NOTCH1: variants seen among roughly 807,000 people sequenced by gnomAD.
The protein encoded by NOTCH1 is neurogenic locus notch homolog protein 1.
In NOTCH1, 37 loss-of-function variants were observed where a neutral mutation model predicts 254.8. The observed-to-expected ratio is 0.15, with a 90% CI of 0.11 to 0.19. The LOEUF (loss-of-function observed/expected upper bound fraction) is 0.19. Among genes scored for constraint, NOTCH1 ranks in the 10% least tolerant of loss-of-function variants. The pLI is 1.00. For missense variants in NOTCH1, 2,972 were observed against 3,708.6 expected, an observed-to-expected ratio of 0.80 and a Z score of 5.16; for synonymous variants, 1,731 against 1,618.1, an observed-to-expected ratio of 1.07 and a Z score of -1.68.
rs1385748319 is a variant in NOTCH1 at position 136,513,733 on chromosome 9, T to C, written c.2208-196A>G. Among the ~76,000 whole-genome samples, 1 of 152,142 alleles carries C rather than the reference T, an allele frequency of 6.6e-6. No homozygotes were observed. The highest frequency in any genetic ancestry group is 1.5e-5 in the Non-Finnish European group (1 of 68,016). On this transcript the variant is annotated intron_variant, in intron 13 of 33. Transcript: ENST00000651671. The surrounding 1 kb of genome is among the most constrained non-coding windows in gnomAD (Gnocchi z 4.7). ...CAGCACTTTGGGAGGCGGGGGTGGC[T>C]GAGTCACTTGAGGCCAGGAGTTCAA...
rs1484486786 is a variant in NOTCH1 at position 136,523,714 on chromosome 9, C to T, written c.403+3G>A. 1.2e-6 allele frequency: 2 copies of T among 1,600,774 alleles called. No homozygotes were observed. Among genetic ancestry groups the T allele is most frequent in the Admixed American group, 1.7e-5 (1 of 58,500 alleles). ...ACCCCTCAGGCTGTGGGTCCTCCCT[C>T]ACCTGACCAGCCGGGCGGGCAGCGG... is the stretch of plus-strand genomic sequence containing the variant. On this transcript the variant is annotated splice_donor_region_variant and intron_variant, in intron 3 of 33. Coordinates refer to ENST00000651671, the MANE Select transcript of NOTCH1 (RefSeq NM_017617.5).
At chr9:136,517,063 C>T (rs1200546571) in intron 9 of NOTCH1, among the ~76,000 whole-genome samples, 1 of 150,958 alleles carries the variant, frequency 6.6e-6, no homozygotes, top group East Asian at 2.0e-4. Flanking sequence ...GTGCAGACGG[C>T]CCAGGAGCAG....
rs1371022203 is a variant in NOTCH1 at position 136,499,222 on chromosome 9, C to A, written c.5972G>T (p.Arg1991Leu). Residue 1991 changes from arginine (R) to leucine (L), a missense_variant, in exon 32 of 34, where the codon CGC becomes CTC. Arg to Leu is a moderately radical substitution (Grantham distance 102, BLOSUM62 -2). Coordinates refer to ENST00000651671, the MANE Select transcript of NOTCH1 (RefSeq NM_017617.5). ...IRNRATDLDA[R>L]MHDGTTPLIL... The stretch of plus-strand genomic sequence containing the variant: ...CAGTGGCGTCGTGCCATCATGCATG[C>A]GGGCATCCAGGTCTGTGGCTCGGTT... 6.2e-7 allele frequency: 1 copy of A among 1,613,256 alleles called. No homozygotes were observed. Among genetic ancestry groups the A allele is most frequent in the Non-Finnish European group, 8.5e-7 (1 of 1,179,994 alleles).
In NOTCH1 at chr9:136,496,540, G is replaced by A; in HGVS notation, c.7199C>T (p.Ala2400Val). 1 of 1,608,212 alleles carries A rather than the reference G, an allele frequency of 6.2e-7. No individual in the cohort carries two copies. The highest frequency in any genetic ancestry group is 8.5e-7 in the Non-Finnish European group (1 of 1,179,948). ...LQMQQQNLQPANIQQQQSLQP... is the reference protein window; with the variant it reads ...LQMQQQNLQPVNIQQQQSLQP... ...CAGGCTTTGCTGCTGCTGGATGTTTGCTGGCTGCAGGTTCTGCTGCTGCAT... is the reference window on the plus strand; with the variant it reads ...CAGGCTTTGCTGCTGCTGGATGTTTACTGGCTGCAGGTTCTGCTGCTGCAT... Residue 2400 changes from alanine (A) to valine (V), a missense_variant, in exon 34 of 34, where the codon GCA becomes GTA. By Grantham distance (64) the Ala-to-Val change is moderately conservative. Transcript: ENST00000651671.
chr9:136,503,415 A>T (rs2133334063), intron 26 of NOTCH1, 85 bp from the exon 27 acceptor site: 1 of 1,586,500 alleles, frequency 6.3e-7, no homozygotes, highest in South Asian at 1.1e-5. Flanking sequence ...CAGGACACTG[A>T]GGCCCATGAC....
intron 5 of NOTCH1, among the ~76,000 whole-genome samples, 199 bp downstream of exon 5, chr9:136,519,244 C>T (rs563184741): frequency 6.6e-6 from 1 of 152,346 alleles, no homozygotes; most frequent in African/African-American, 2.4e-5. Context: ...CCTGTCTGTG[C>T]TGACCCCCGA....
At chr9:136,503,145 C>A in intron 27 of NOTCH1, 37 bp downstream of exon 27, 1 of 1,612,126 alleles carries the variant, frequency 6.2e-7, no homozygotes, top group Non-Finnish European at 8.5e-7. Context: ...GCACCCCCTG[C>A]AGGCAGAGCC....
At chr9:136,524,750 GC>G (rs1472276854) in intron 2 of NOTCH1, among the ~76,000 whole-genome samples, 1 of 148,074 alleles carries the variant, frequency 6.8e-6, no homozygotes, top group Non-Finnish European at 1.5e-5. Flanking sequence ...CGATTCTCCT[GC>G]CTCAGCCTCC....
chr9:136,506,511 G>A lies in NOTCH1; in HGVS notation c.4014+16C>T, dbSNP rs1456568605. 4 of 1,569,768 alleles carry A rather than the reference G, an allele frequency of 2.5e-6. No homozygotes were observed. Among genetic ancestry groups the A allele is most frequent in the African/African-American group, 1.3e-5 (1 of 74,126 alleles). The stretch of plus-strand genomic sequence containing the variant: ...TCCCCTGGCGGGCCCCTGCCTCCCT[G>A]CACCCCTGCACCTACCGCAGGGCAC... On this transcript the variant is annotated intron_variant, in intron 24 of 33. Transcript: ENST00000651671. The surrounding 1 kb of genome is among the most constrained non-coding windows in gnomAD (Gnocchi z 4.5).
At position 136,514,536 on chromosome 9, in the gene NOTCH1, G is replaced by A. The variant is rs760278621; in HGVS notation, c.2181C>T (p.His727=). The A allele has an allele frequency of 2.0e-5, 32 of 1,595,780 alleles. No homozygotes were observed. The highest frequency in any genetic ancestry group is 4.0e-5 in the African/African-American group (3 of 74,812). The change falls in exon 13 of 34, where the codon CAC becomes CAT. Residue 727 remains histidine, a synonymous_variant. Transcript: ENST00000651671. ...CGTTGAGGCTGTCCCGGCAGGCCCC[G>A]TGGACGCAGGGGTTGCTGTTGCACT... ...VNECNSNPCV[H]GACRDSLNGY...
intron 3 of NOTCH1, 36 bp from the exon 4 acceptor site, chr9:136,523,224 C>T (rs1843403390): frequency 6.4e-7 from 1 of 1,556,250 alleles, no homozygotes; most frequent in Non-Finnish European, 8.7e-7. Context: ...GTGCTGGCCT[C>T]ACTGCTCCCC....
intron 4 of NOTCH1, among the ~76,000 whole-genome samples, chr9:136,521,410 G>A (rs542136656): frequency 6.6e-5 from 10 of 151,638 alleles, no homozygotes; most frequent in Admixed American, 3.3e-4. Context: ...GCTCTGAGCC[G>A]GCCCAGCACC....
intron 2 of NOTCH1, among the ~76,000 whole-genome samples, chr9:136,532,860 G>C (rs945206421): frequency 6.6e-6 from 1 of 152,194 alleles, no homozygotes; most frequent in Non-Finnish European, 1.5e-5. Context: ...AAGGTCTCGT[G>C]GGGGTGGCCG....
At chr9:136,537,470 G>A (rs1405226102) in intron 2 of NOTCH1, among the ~76,000 whole-genome samples, 1 of 152,208 alleles carries the variant, frequency 6.6e-6, no homozygotes, top group Admixed American at 6.5e-5. Flanking sequence ...TCAGGGCAGA[G>A]TGACAGTATT....
rs371532644 is a variant in NOTCH1, at chr9:136,508,999, C to G, written c.3042G>C (p.Thr1014=). Residue 1014 remains threonine (T), a synonymous_variant, in exon 19 of 34, where the codon ACG becomes ACC. Coordinates refer to ENST00000651671, the MANE Select transcript of NOTCH1 (RefSeq NM_017617.5). ...SFTCLCPPGF[T]GSYCQHDVNE... is the part of the protein sequence containing the mutation. ...TGACATCGTGCTGGCAGTAGCTGCC[C>G]GTGAAGCCGGGTGGACACAGGCAGG... The G allele has an allele frequency of 1.3e-6, 2 of 1,561,032 alleles. No individual in the cohort carries two copies. Among genetic ancestry groups the G allele is most frequent in the Admixed American group, 3.8e-5 (2 of 52,680 alleles).
chr9:136,508,699 C>T (rs188842828), intron 19 of NOTCH1, among the ~76,000 whole-genome samples, 171 bp downstream of exon 19: 14 of 152,250 alleles, frequency 9.2e-5, no homozygotes, highest in African/African-American at 1.4e-4. Flanking sequence ...CTGCTGCTTC[C>T]GCATCAGGTT....
chr9:136,513,588 G>A lies in NOTCH1; in HGVS notation c.2208-51C>T, dbSNP rs771345037. 2.1e-5 allele frequency: 34 copies of A among 1,606,038 alleles called. No homozygotes were observed. Among genetic ancestry groups the A allele is most frequent in the Middle Eastern group, 1.7e-4 (1 of 6,028 alleles). On this transcript the variant is annotated intron_variant, in intron 13 of 33. Transcript: ENST00000651671. The surrounding 1 kb of genome is among the most constrained non-coding windows in gnomAD (Gnocchi z 4.7). ...CGAGGGAGGCCCGAGCAGCACGGCCGGGGCCTGGGCACTCCCGGGTCTGCA... is the reference window on the plus strand; with the variant it reads ...CGAGGGAGGCCCGAGCAGCACGGCCAGGGCCTGGGCACTCCCGGGTCTGCA...
rs1396760693 is a variant in NOTCH1 at position 136,545,391 on chromosome 9, C to CCCG, written c.61+332_61+334dup. On this transcript the variant is annotated intron_variant, in intron 1 of 33. Coordinates refer to ENST00000651671, the MANE Select transcript of NOTCH1 (RefSeq NM_017617.5). This position sits in a 1 kb window ranked among gnomAD's most constrained non-coding sequence, Gnocchi z 6.8. ...ATTCAAATCGAAAAATAGTAGGCAGCCCGCCCGCCCGGCCGACCGGCGGCA... is the reference window on the plus strand; with the variant it reads ...ATTCAAATCGAAAAATAGTAGGCAGCCCGCCGCCCGCCCGGCCGACCGGCGGCA... Among the ~76,000 whole-genome samples, 1 of 152,036 alleles carries CCCG rather than the reference C, an allele frequency of 6.6e-6. No individual in the cohort carries two copies. Among genetic ancestry groups the CCCG allele is most frequent in the Non-Finnish European group, 1.5e-5 (1 of 67,974 alleles).
In NOTCH1 at chr9:136,506,478, C is replaced by T; in HGVS notation, c.4014+49G>A. 1 of 1,524,942 alleles carries T rather than the reference C, an allele frequency of 6.6e-7. No homozygotes were observed. Among genetic ancestry groups the T allele is most frequent in the South Asian group, 1.2e-5 (1 of 83,668 alleles). 94.5% of individuals were successfully genotyped at this position (1,524,942 alleles called of 1,614,324 possible). On this transcript the variant is annotated intron_variant, in intron 24 of 33. Transcript: ENST00000651671. This position sits in a 1 kb window ranked among gnomAD's most constrained non-coding sequence, Gnocchi z 4.5. The stretch of plus-strand genomic sequence containing the variant: ...CCCGAGGCCCCCACGTGGACCTCTC[C>T]AGGTGTCTCCCCTGGCGGGCCCCTG...
Sources: allele counts gnomAD v4.1 joint callset (sites outside exome capture counted in the v4.1 genomes callset), GRCh38; gene constraint gnomAD v4.1.1; non-coding constraint Gnocchi (gnomAD v3.1); transcripts MANE v1.5; gene names NCBI Gene and HGNC (gene_info 2026-07-23, HGNC 2026-07-21).